CNTNAP5: variants seen among roughly 807,000 people sequenced by gnomAD.
CNTNAP5 encodes contactin-associated protein-like 5.
In CNTNAP5, 72 loss-of-function variants were observed where a neutral mutation model predicts 150.2. The observed-to-expected ratio is 0.48, with a 90% CI of 0.40 to 0.58. CNTNAP5 has a LOEUF of 0.58. Among genes scored for constraint, CNTNAP5 ranks in the 20% least tolerant of loss-of-function variants. CNTNAP5 has a pLI of 0.00. For missense variants in CNTNAP5, 1,636 were observed against 1,626.2 expected (o/e 1.01, Z -0.10); for synonymous variants, 672 against 619.8 (o/e 1.08, Z -1.25).
chr2:124,091,894 T>G (rs934891368), intron 1 of CNTNAP5, among the ~76,000 whole-genome samples: 2 of 152,126 alleles, frequency 1.3e-5, no homozygotes, highest in African/African-American at 4.8e-5. Flanking sequence ...AAACCCCAAG[T>G]AGGTCAAATA....
chr2:124,491,222 T>C (rs1694016734), intron 7 of CNTNAP5, among the ~76,000 whole-genome samples: 1 of 152,122 alleles, frequency 6.6e-6, no homozygotes, highest in African/African-American at 2.4e-5. Flanking sequence ...TCCATTTCTC[T>C]TACCCTCTAA....
chr2:124,439,271 A>G (rs1692616756), intron 5 of CNTNAP5, among the ~76,000 whole-genome samples: 1 of 152,186 alleles, frequency 6.6e-6, no homozygotes, highest in Non-Finnish European at 1.5e-5. Flanking sequence ...TCATTATGCA[A>G]TAAGAATAGG....
chr2:124,512,128 C>T (rs576117994), intron 8 of CNTNAP5, among the ~76,000 whole-genome samples: 28 of 151,814 alleles, frequency 1.8e-4, no homozygotes, highest in African/African-American at 6.5e-4. Context: ...GCTGTGGGAC[C>T]GGCTTTCTTA....
At chr2:124,801,920 G>T (rs2104646481) in intron 19 of CNTNAP5, among the ~76,000 whole-genome samples, 1 of 152,256 alleles carries the variant, frequency 6.6e-6, no homozygotes, top group South Asian at 2.1e-4. Context: ...TAAAGGGGGA[G>T]GTTATTTATT....
intron 8 of CNTNAP5, among the ~76,000 whole-genome samples, chr2:124,508,954 A>G (rs1041573180): frequency 1.3e-5 from 2 of 152,248 alleles, no homozygotes; most frequent in African/African-American, 4.8e-5. Flanking sequence ...TCATATGAAC[A>G]ATGAAAAAAT....
intron 17 of CNTNAP5, among the ~76,000 whole-genome samples, chr2:124,777,107 G>T (rs1681340757): frequency 6.7e-6 from 1 of 148,566 alleles, no homozygotes; most frequent in Non-Finnish European, 1.5e-5. Context: ...AACACTAGAA[G>T]AGCACCCAGT....
chr2:124,762,411 A>G (rs998601290), intron 14 of CNTNAP5, among the ~76,000 whole-genome samples: 2 of 152,144 alleles, frequency 1.3e-5, no homozygotes, highest in African/African-American at 2.4e-5. Flanking sequence ...GCTCTCCAAT[A>G]CAAAATCATA....
intron 13 of CNTNAP5, among the ~76,000 whole-genome samples, chr2:124,744,119 G>T (rs986689100): frequency 6.6e-6 from 1 of 152,170 alleles, no homozygotes. Flanking sequence ...ATCTCATCCT[G>T]AATTGTAGCT....
chr2:124,359,185 C>T (rs1348799425), intron 3 of CNTNAP5, among the ~76,000 whole-genome samples: 14 of 151,794 alleles, frequency 9.2e-5, no homozygotes, highest in African/African-American at 2.4e-4. Context: ...TCTATTTGAT[C>T]CTTCTCTCTT....
chr2:124,438,226 G>A (rs1208697025), intron 5 of CNTNAP5, among the ~76,000 whole-genome samples: 4 of 152,020 alleles, frequency 2.6e-5, no homozygotes, highest in Non-Finnish European at 5.9e-5. Flanking sequence ...ACTACTAGAT[G>A]GGAAAGAGAT....
intron 1 of CNTNAP5, among the ~76,000 whole-genome samples, chr2:124,032,419 T>A (rs1456896298): frequency 6.6e-6 from 1 of 152,156 alleles, no homozygotes; most frequent in African/African-American, 2.4e-5. Flanking sequence ...TCAGATTTTT[T>A]TGCTTTAAAA....
chr2:124,360,887 A>G (rs1371954464), intron 3 of CNTNAP5, among the ~76,000 whole-genome samples: 1 of 142,532 alleles, frequency 7.0e-6, no homozygotes, highest in African/African-American at 2.7e-5. Flanking sequence ...TCTCCTGGAT[A>G]ATATCCTGCA....
chr2:124,063,735 G>A (rs770280149), intron 1 of CNTNAP5, among the ~76,000 whole-genome samples: 8 of 152,066 alleles, frequency 5.3e-5, no homozygotes, highest in Non-Finnish European at 8.8e-5. Flanking sequence ...CCATTTCCAG[G>A]CCTGATAATG....
At chr2:124,676,263 A>T (rs1210927983) in intron 13 of CNTNAP5, among the ~76,000 whole-genome samples, 1 of 152,200 alleles carries the variant, frequency 6.6e-6, no homozygotes, top group Non-Finnish European at 1.5e-5. Context: ...CTGCTTCTGC[A>T]AGTCCTTAAG....
chr2:124,312,599 C>T (rs935262510), intron 3 of CNTNAP5, among the ~76,000 whole-genome samples: 2 of 152,006 alleles, frequency 1.3e-5, no homozygotes, highest in African/African-American at 4.8e-5. Context: ...GAGACGGAGT[C>T]TCGCTCTTTC....
chr2:124,647,612 G>T, intron 12 of CNTNAP5, 146 bp from the exon 13 acceptor site: 2 of 657,432 alleles, frequency 3.0e-6, no homozygotes, highest in African/African-American at 1.8e-5. Flanking sequence ...GCTCCATGGG[G>T]AAACACAATT....
At chr2:124,617,231 G>C (rs893034136) in intron 12 of CNTNAP5, among the ~76,000 whole-genome samples, 2 of 151,862 alleles carry the variant, frequency 1.3e-5, no homozygotes, top group Non-Finnish European at 2.9e-5. Context: ...TGAACTATCT[G>C]TGAAGCACAG....
intron 20 of CNTNAP5, among the ~76,000 whole-genome samples, chr2:124,865,721 A>G (rs2104720702): frequency 6.6e-6 from 1 of 152,196 alleles, no homozygotes; most frequent in African/African-American, 2.4e-5. Context: ...TGAGGCGGGC[A>G]GATCAAGAGG....
intron 3 of CNTNAP5, among the ~76,000 whole-genome samples, chr2:124,381,228 G>A (rs997214342): frequency 4.6e-5 from 7 of 152,160 alleles, no homozygotes; most frequent in African/African-American, 1.7e-4. Context: ...ATGTGGACCT[G>A]AGTTTGAACT....
Sources: gnomAD v4.1 joint callset for allele counts (sites outside exome capture counted in the v4.1 genomes callset) on GRCh38, gnomAD v4.1.1 for gene constraint, MANE v1.5 for transcripts, NCBI Gene and HGNC (gene_info 2026-07-23, HGNC 2026-07-21) for gene names.